NECAB2: variants seen among roughly 807,000 people sequenced by gnomAD.
The protein encoded by NECAB2 is N-terminal EF-hand calcium binding protein 2.
In NECAB2, 68 loss-of-function variants were observed where a neutral mutation model predicts 51.9. The ratio of observed to expected loss-of-function variants is 1.31; its 90% CI spans 1.08 to 1.60. NECAB2 has a LOEUF of 1.60. Ranked by LOEUF, NECAB2 falls within the 40% of genes most tolerant of loss-of-function variation. The pLI, the probability that NECAB2 is intolerant of heterozygous loss-of-function variation, is 0.00. For missense variants in NECAB2, 854 were observed against 490.3 expected (o/e 1.74, Z -7.00); for synonymous variants, 329 against 203.5 (o/e 1.62, Z -5.25).
Position 83,968,742 on chromosome 16 carries a change from C to T in NECAB2, c.94C>T (p.Arg32Cys). The T allele has an allele frequency of 5.7e-6, 6 of 1,061,108 alleles. No individual in the cohort carries two copies. Among genetic ancestry groups the T allele is most frequent in the Non-Finnish European group, 6.8e-6 (6 of 881,096 alleles). The allele number at this position is 1,061,108 out of a possible 1,614,324, so 65.7% of individuals were successfully genotyped here. Reference protein sequence around the residue: ...QQGRALGGLLRWVGARMGEPR... With the variant: ...QQGRALGGLLCWVGARMGEPR... ...GGGCCGGGCGCTGGGCGGGCTGCTG[C>T]GCTGGGTGGGCGCCAGGATGGGCGA... The change falls in exon 1 of 13, where the codon CGC becomes TGC. Residue 32 changes from arginine (R) to cysteine (C), a missense_variant. Arg to Cys is a radical substitution (Grantham distance 180). Coordinates refer to ENST00000305202, the MANE Select transcript of NECAB2 (RefSeq NM_019065.3).
chr16:83,991,777 G>C lies in NECAB2; in HGVS notation c.596+1147G>C, dbSNP rs545191685. On this transcript the variant is annotated intron_variant, in intron 6 of 12. Coordinates refer to ENST00000305202, the MANE Select transcript of NECAB2 (RefSeq NM_019065.3). Reference sequence around the variant, plus strand: ...TTCTCCCACCTCAGCCTCCCAAGGAGCTGGGACTACAGGCATGTAGTCCCA... The same window carrying C: ...TTCTCCCACCTCAGCCTCCCAAGGACCTGGGACTACAGGCATGTAGTCCCA... Among the ~76,000 whole-genome samples, 18 of 150,638 alleles carry C rather than the reference G, an allele frequency of 1.2e-4. 1 individual carries two copies. In the East Asian group the frequency reaches 3.5e-3, roughly 29 times the overall value.
intron 3 of NECAB2, among the ~76,000 whole-genome samples, chr16:83,978,843 A>G (rs113211317): frequency 2.0e-5 from 3 of 151,966 alleles, no homozygotes; most frequent in Admixed American, 6.6e-5. Context: ...GAAGGTGGCA[A>G]TGACTTCATC....
intron 2 of NECAB2, among the ~76,000 whole-genome samples, chr16:83,972,640 C>T (rs1460569610): frequency 2.6e-5 from 4 of 152,230 alleles, no homozygotes; most frequent in African/African-American, 9.6e-5. Flanking sequence ...CATAGCAGCC[C>T]AGAGAGGTTA....
intron 5 of NECAB2, among the ~76,000 whole-genome samples, chr16:83,986,745 C>T (rs553462209): frequency 1.3e-4 from 20 of 150,038 alleles, no homozygotes; most frequent in Admixed American, 5.3e-4. Flanking sequence ...GTCTCAAACT[C>T]CTGGGCTGAA....
intron 2 of NECAB2, among the ~76,000 whole-genome samples, chr16:83,976,505 C>T (rs991044211): frequency 5.9e-5 from 9 of 152,148 alleles, no homozygotes; most frequent in Admixed American, 1.3e-4. Flanking sequence ...CGAAGACACT[C>T]GGAAGGCATC....
At chr16:83,972,214 T>A in intron 2 of NECAB2, 39 bp downstream of exon 2, 1 of 1,612,616 alleles carries the variant, frequency 6.2e-7, no homozygotes, top group Non-Finnish European at 8.5e-7. Context: ...CCCCACTCCT[T>A]CTGTCCTCGT....
chr16:84,002,432 T>A lies in NECAB2; in HGVS notation c.*86T>A, dbSNP rs56106144. On this transcript the variant is annotated 3_prime_UTR_variant, in exon 13 of 13. Coordinates refer to ENST00000305202, the MANE Select transcript of NECAB2 (RefSeq NM_019065.3). ...GTTTTTTTCTAGACAGACACTTTGG[T>A]GCAGAAGCTTCTTTTCAATCCATCC... 8.7e-6 allele frequency: 13 copies of A among 1,501,308 alleles called. No homozygotes were observed. The highest frequency in any genetic ancestry group is 1.4e-5 in the African/African-American group (1 of 71,956). 93.0% of individuals were successfully genotyped at this position (1,501,308 alleles called of 1,614,324 possible).
chr16:84,002,285 C>G lies in NECAB2; in HGVS notation c.1133-33C>G, dbSNP rs375257328. On this transcript the variant is annotated intron_variant, in intron 12 of 12. Transcript: ENST00000305202. Reference sequence around the variant, plus strand: ...AGCTACGAGGCTGCCCACATTCGCACTCCTTCCCTCTAACGTGTCTCTCTC... The same window carrying G: ...AGCTACGAGGCTGCCCACATTCGCAGTCCTTCCCTCTAACGTGTCTCTCTC... 4.3e-6 allele frequency: 7 copies of G among 1,613,144 alleles called. No homozygotes were observed. In the African/African-American group the frequency reaches 8.0e-5, roughly 18 times the overall value.
At chr16:83,965,297 G>T, upstream of NECAB2, 1 of 1,598,870 alleles carries the variant, frequency 6.3e-7, no homozygotes. Context: ...GGCCCGCAAC[G>T]TGGTCCTCGC....
upstream of NECAB2, chr16:83,965,356 C>T: frequency 4.5e-6 from 7 of 1,571,858 alleles, no homozygotes; most frequent in Non-Finnish European, 6.0e-6. Context: ...CCGGGGAGGC[C>T]CTGCCCTTCA....
chr16:83,997,653 A>C (rs1219451546), intron 9 of NECAB2, among the ~76,000 whole-genome samples: 1 of 151,124 alleles, frequency 6.6e-6, no homozygotes, highest in Admixed American at 6.6e-5. Flanking sequence ...ACGCCTGGCT[A>C]ATTTTTTTGG....
rs2084476253 is a variant in NECAB2, at chr16:83,980,730, C to A, written c.336-109C>A. 7 of 1,421,448 alleles carry A rather than the reference C, an allele frequency of 4.9e-6. No homozygotes were observed. The East Asian group carries it at 1.7e-4, about 35-fold the overall frequency. The allele number at this position is 1,421,448 out of a possible 1,614,324, so 88.1% of individuals were successfully genotyped here. On this transcript the variant is annotated intron_variant, in intron 3 of 12. Transcript: ENST00000305202. ...TAAGGCGGAGCTTGTGGGGCCAGCA[C>A]ACAGGCTGCAAAGAGCAGGCAGGAT... is the stretch of plus-strand genomic sequence containing the variant.
At position 83,998,207 on chromosome 16, in the gene NECAB2, C is replaced by G. The variant is rs758374201; in HGVS notation, c.852C>G (p.His284Gln). The change falls in exon 10 of 13, where the codon CAC (histidine) becomes CAG (glutamine). Residue 284 changes from histidine to glutamine, a missense_variant and splice_region_variant. Coordinates refer to ENST00000305202, the MANE Select transcript of NECAB2 (RefSeq NM_019065.3). ...RLSDEDGTNM[H>Q]LQLVRQEMAV... ...CTGACTCCTGCTGTGCCCGGCAGCA[C>G]CTGCAGCTGGTCCGGCAGGAGATGG... 3.1e-6 allele frequency: 5 copies of G among 1,608,892 alleles called. No individual in the cohort carries two copies. In the South Asian group the frequency reaches 3.3e-5, roughly 11 times the overall value.
Position 83,981,030 on chromosome 16 carries a change from A to G in NECAB2, c.362A>G (p.Asp121Gly). The G allele has an allele frequency of 6.2e-7, 1 of 1,614,000 alleles. No individual in the cohort carries two copies. Residue 121 changes from aspartate (D) to glycine (G), a missense_variant and splice_region_variant, in exon 5 of 13, where the codon GAT (aspartate) becomes GGT (glycine). Coordinates refer to ENST00000305202, the MANE Select transcript of NECAB2 (RefSeq NM_019065.3). ...CTGACCTTTGCCTTTCCTTCCCCAG[A>G]TTACTTTGTGGACCACATGGGTGAC... ...TNHVDTKELCDYFVDHMGDYE... is the reference protein window; with the variant it reads ...TNHVDTKELCGYFVDHMGDYE...
chr16:83,967,347 T>A (rs1298378092), upstream of NECAB2, among the ~76,000 whole-genome samples: 1 of 150,062 alleles, frequency 6.7e-6, no homozygotes, highest in Non-Finnish European at 1.5e-5. Flanking sequence ...CCTTAATTCA[T>A]CTTTTAAATG....
chr16:84,002,390 C>CTTG lies in NECAB2; in HGVS notation c.*46_*48dup. On this transcript the variant is annotated 3_prime_UTR_variant, in exon 13 of 13. Transcript: ENST00000305202. The stretch of plus-strand genomic sequence containing the variant: ...TGGAGGAGCCCACCAGCCCCTTCTT[C>CTTG]TTGTGAAGGAAATCCCGTTTTTTTC... The CTTG allele has an allele frequency of 6.3e-7, 1 of 1,593,648 alleles. No homozygotes were observed. Among genetic ancestry groups the CTTG allele is most frequent in the Non-Finnish European group, 8.5e-7 (1 of 1,170,948 alleles).
chr16:83,985,951 T>A (rs958530345), intron 5 of NECAB2, among the ~76,000 whole-genome samples: 5 of 152,318 alleles, frequency 3.3e-5, no homozygotes, highest in Non-Finnish European at 7.3e-5. Context: ...TAAGAGGTAC[T>A]TTTTTAAAGG....
intron 2 of NECAB2, among the ~76,000 whole-genome samples, chr16:83,977,651 T>C (rs142566420): frequency 0.012 from 1,847 of 152,100 alleles, 20 homozygotes; most frequent in South Asian, 0.026. Context: ...GGCCAGAGCG[T>C]TGGCACCTCC....
chr16:83,994,751 C>G, intron 8 of NECAB2, 63 bp downstream of exon 8: 1 of 1,572,734 alleles, frequency 6.4e-7, no homozygotes, highest in Non-Finnish European at 8.7e-7. Flanking sequence ...CAGAGTTAAG[C>G]CTGGAGTTCA....
Sources: allele counts gnomAD v4.1 joint callset (sites outside exome capture counted in the v4.1 genomes callset), GRCh38; gene constraint gnomAD v4.1.1; transcripts MANE v1.5; gene names NCBI Gene and HGNC (gene_info 2026-07-23, HGNC 2026-07-21).